The following SNX27 variants were observed in gnomAD, a reference collection of about 807,000 sequenced individuals.
The protein encoded by SNX27 is sorting nexin-27.
Under a neutral mutation model 71.6 loss-of-function variants are expected in SNX27, and 22 were observed. The observed-to-expected ratio is 0.31, with a 90% CI of 0.22 to 0.44. The LOEUF is 0.44. SNX27 is among the 20% of genes least tolerant of loss of function. SNX27 has a pLI of 1.00. For missense variants in SNX27, 531 were observed against 698.6 expected, an observed-to-expected ratio of 0.76 and a Z score of 2.70; for synonymous variants, 269 against 277.2, an observed-to-expected ratio of 0.97 and a Z score of 0.29.
At chr1:151,628,347 A>G (rs77919400) in intron 1 of SNX27, among the ~76,000 whole-genome samples, 2,519 of 152,256 alleles carry the variant, frequency 0.017, 27 homozygotes, top group Middle Eastern at 0.031. Context: ...TTAGAGGCAT[A>G]ATACTCAACT....
At chr1:151,660,089 G>A (rs1237101459) in intron 3 of SNX27, 1 of 152,086 alleles carries the variant, frequency 6.6e-6, no homozygotes, top group African/African-American at 2.4e-5. Flanking sequence ...AAATGAGAAA[G>A]GGTACAATTT....
At chr1:151,665,834 C>G in intron 5 of SNX27, 99 bp from the exon 6 acceptor site, 13 of 887,860 alleles carry the variant, frequency 1.5e-5, no homozygotes, top group Non-Finnish European at 2.3e-5. Flanking sequence ...GATGGCAGAA[C>G]CTCTCCCCTT....
At chr1:151,621,690 G>A (rs1303571368) in intron 1 of SNX27, among the ~76,000 whole-genome samples, 8 of 152,056 alleles carry the variant, frequency 5.3e-5, no homozygotes, top group Non-Finnish European at 1.0e-4. Context: ...TCTTCCACCC[G>A]CAAATACCAC....
intron 2 of SNX27, among the ~76,000 whole-genome samples, chr1:151,645,188 A>G (rs1023853153): frequency 3.9e-5 from 6 of 152,204 alleles, no homozygotes; most frequent in African/African-American, 1.4e-4. Context: ...CCTCATTGAA[A>G]TATCTTGGCA....
chr1:151,667,671 C>T (rs528301123), intron 6 of SNX27, among the ~76,000 whole-genome samples: 1 of 151,406 alleles, frequency 6.6e-6, no homozygotes, highest in African/African-American at 2.4e-5. Flanking sequence ...TAAAAAAATA[C>T]AAAAAATTAG....
chr1:151,665,226 G>A (rs1276158422), intron 5 of SNX27, among the ~76,000 whole-genome samples: 1 of 152,082 alleles, frequency 6.6e-6, no homozygotes, highest in Non-Finnish European at 1.5e-5. Context: ...TCATTTATTT[G>A]CACACAGTTT....
At chr1:151,675,810 C>CTTTCTTTTT (rs1670665258) in intron 7 of SNX27, 3 of 31,464 alleles carry the variant, frequency 9.5e-5, no homozygotes, top group Non-Finnish European at 1.8e-4. Flanking sequence ...TTCTTTCTTT[C>CTTTCTTTTT]TTTTTTTTTT....
At chr1:151,644,833 G>C (rs1175856057) in intron 2 of SNX27, among the ~76,000 whole-genome samples, 1 of 151,858 alleles carries the variant, frequency 6.6e-6, no homozygotes, top group Non-Finnish European at 1.5e-5. Flanking sequence ...TTGTTTTTGA[G>C]TGTCAGCTAG....
intron 6 of SNX27, chr1:151,666,248 A>G (rs534281421): frequency 1.8e-5 from 6 of 334,908 alleles, no homozygotes; most frequent in South Asian, 2.9e-4. Flanking sequence ...TGCTTTCATG[A>G]GGTTCTTTTA....
intron 1 of SNX27, among the ~76,000 whole-genome samples, chr1:151,629,757 T>C (rs2102615737): frequency 6.6e-6 from 1 of 151,782 alleles, no homozygotes; most frequent in East Asian, 2.0e-4. Context: ...TTTTGTATTT[T>C]TGGTAGAGAC....
At chr1:151,672,347 C>T (rs1450913284) in intron 7 of SNX27, among the ~76,000 whole-genome samples, 2 of 152,060 alleles carry the variant, frequency 1.3e-5, no homozygotes, top group Admixed American at 6.6e-5. Context: ...AGGATATATC[C>T]TACTTGCTCA....
chr1:151,650,445 A>T (rs1395215617), intron 2 of SNX27, among the ~76,000 whole-genome samples: 1 of 151,938 alleles, frequency 6.6e-6, no homozygotes, highest in Non-Finnish European at 1.5e-5. Flanking sequence ...TATTTTTGGA[A>T]AACTATCAGC....
intron 1 of SNX27, among the ~76,000 whole-genome samples, chr1:151,634,756 A>G (rs1349069185): frequency 6.6e-6 from 1 of 152,128 alleles, no homozygotes; most frequent in Non-Finnish European, 1.5e-5. Flanking sequence ...CCTTCATTTT[A>G]TTATGAAAAG....
chr1:151,627,445 TTTCCTC>T (rs1348417449), intron 1 of SNX27, among the ~76,000 whole-genome samples: 2 of 152,248 alleles, frequency 1.3e-5, no homozygotes, highest in Non-Finnish European at 2.9e-5. Context: ...ATCCATAACT[TTTCCTC>T]TACTCACTTT....
intron 2 of SNX27, among the ~76,000 whole-genome samples, chr1:151,649,767 G>A (rs1177710641): frequency 6.6e-6 from 1 of 151,750 alleles, no homozygotes; most frequent in Non-Finnish European, 1.5e-5. Context: ...GTGCAATGGT[G>A]CAATAATAGC....
chr1:151,633,273 C>T, intron 1 of SNX27, among the ~76,000 whole-genome samples: 1 of 152,060 alleles, frequency 6.6e-6, no homozygotes, highest in Non-Finnish European at 1.5e-5. Flanking sequence ...AACCACCACC[C>T]CAGTCAAGAT....
At chr1:151,649,176 G>A (rs905464456) in intron 2 of SNX27, among the ~76,000 whole-genome samples, 1 of 151,808 alleles carries the variant, frequency 6.6e-6, no homozygotes, top group Admixed American at 6.6e-5. Flanking sequence ...TGGCCAGGCT[G>A]GTCTTGAACT....
chr1:151,618,885 C>A lies in SNX27; in HGVS notation c.311+6373C>A, dbSNP rs144011117. On this transcript the variant is annotated intron_variant, in intron 1 of 11. Transcript: ENST00000458013. ...TGCTTCTTGGGCAATCCAGTAAGAG[C>A]CCATGGATGGGTTGGTACAGTTCAG... Among the ~76,000 whole-genome samples, 8 of 152,146 alleles carry A rather than the reference C, an allele frequency of 5.3e-5. No individual in the cohort carries two copies. In the East Asian group the frequency reaches 1.5e-3, roughly 29 times the overall value.
In SNX27 at chr1:151,696,490, T is replaced by TTTCG. The variant is rs1553267117; in HGVS notation, c.*2076_*2077insGTTC. On this transcript the variant is annotated 3_prime_UTR_variant, in exon 12 of 12. Coordinates refer to ENST00000458013, the MANE Select transcript of SNX27 (RefSeq NM_001330723.2). ...CTTTCTTTCTTTCTTTCTTTCTTTC[T>TTTCG]TTCTTTCTTTCTTTCGTTCTTTCGT... 336 of 95,794 alleles carry TTTCG rather than the reference T, an allele frequency of 3.5e-3. No individual in the cohort carries two copies. The highest frequency in any genetic ancestry group is 9.1e-3 in the African/African-American group (209 of 22,928). The allele number at this position is 95,794 out of a possible 1,614,324, so 5.9% of individuals were successfully genotyped here.
Sources: gnomAD v4.1 joint callset for allele counts (sites outside exome capture counted in the v4.1 genomes callset) on GRCh38, gnomAD v4.1.1 for gene constraint, MANE v1.5 for transcripts, NCBI Gene and HGNC (gene_info 2026-07-23, HGNC 2026-07-21) for gene names.